Variants in SLC39A11 observed in about 807,000 individuals in gnomAD.
The protein encoded by SLC39A11 is zinc transporter ZIP11.
Under a neutral mutation model 36.1 loss-of-function variants are expected in SLC39A11, and 33 were observed. That is an observed-to-expected ratio of 0.91 (90% CI 0.69 to 1.22). SLC39A11 has a LOEUF of 1.22. SLC39A11 is among the 50% of genes most tolerant of loss of function. The pLI is 0.00. For synonymous variants in SLC39A11, 166 were observed against 170.3 expected, an observed-to-expected ratio of 0.97 and a Z score of 0.20; for missense variants, 432 against 430.3, an observed-to-expected ratio of 1.00 and a Z score of -0.03.
chr17:72,920,089 G>A (rs1005075094), intron 5 of SLC39A11, among the ~76,000 whole-genome samples: 29 of 152,106 alleles, frequency 1.9e-4, no homozygotes, highest in Non-Finnish European at 3.7e-4. Flanking sequence ...TTGTGCTTTC[G>A]CTAAACATTT....
chr17:72,828,046 C>T (rs945047611), intron 6 of SLC39A11, among the ~76,000 whole-genome samples: 1 of 152,198 alleles, frequency 6.6e-6, no homozygotes, highest in Admixed American at 6.5e-5. Context: ...GTGGTCCCAT[C>T]CACTCAGGTC....
intron 2 of SLC39A11, among the ~76,000 whole-genome samples, chr17:73,086,480 T>C (rs569385755): frequency 6.6e-6 from 1 of 152,318 alleles, no homozygotes; most frequent in Non-Finnish European, 1.5e-5. Context: ...TGGACATTCT[T>C]TGAAGTGAAA....
At chr17:72,660,263 A>G (rs967885743) in intron 7 of SLC39A11, among the ~76,000 whole-genome samples, 1 of 152,174 alleles carries the variant, frequency 6.6e-6, no homozygotes, top group Non-Finnish European at 1.5e-5. Flanking sequence ...TACCGCACCC[A>G]TCAGAGGCAG....
chr17:73,071,404 G>A (rs1180289791), intron 3 of SLC39A11, among the ~76,000 whole-genome samples: 1 of 152,178 alleles, frequency 6.6e-6, no homozygotes, highest in Admixed American at 6.5e-5. Flanking sequence ...ATTCTTCAAA[G>A]GCAAAAGTTG....
At chr17:72,701,740 A>AAAG (rs2072636492) in intron 7 of SLC39A11, among the ~76,000 whole-genome samples, 1 of 150,110 alleles carries the variant, frequency 6.7e-6, no homozygotes, top group African/African-American at 2.5e-5. Context: ...AAAAAAAAAA[A>AAAG]AAAAAAGAAA....
Position 73,088,639 on chromosome 17 carries a change from C to T in SLC39A11, c.108+18G>A. ...CGGGCTCCCCACCAACATCCAGAAC[C>T]AAAGCAAGGCAACTCACCTGTCCAC... On this transcript the variant is annotated intron_variant, in intron 2 of 9. Coordinates refer to ENST00000255559, the MANE Select transcript of SLC39A11 (RefSeq NM_139177.4). The T allele has an allele frequency of 6.2e-7, 1 of 1,602,364 alleles. No homozygotes were observed. Among genetic ancestry groups the T allele is most frequent in the Non-Finnish European group, 8.5e-7 (1 of 1,173,138 alleles).
At chr17:72,993,137 G>A (rs2089289234) in intron 4 of SLC39A11, among the ~76,000 whole-genome samples, 1 of 152,176 alleles carries the variant, frequency 6.6e-6, no homozygotes, top group Non-Finnish European at 1.5e-5. Flanking sequence ...GATGAGATTT[G>A]GGTGGGGGAC....
Position 72,896,922 on chromosome 17 carries a change from G to A in SLC39A11, c.431-47118C>T, listed in dbSNP as rs569494143. Among the ~76,000 whole-genome samples, 509 of 149,428 alleles carry A rather than the reference G, an allele frequency of 3.4e-3. 1 individual carries two copies. Among genetic ancestry groups the A allele is most frequent in the Non-Finnish European group, 6.4e-3 (428 of 67,026 alleles). On this transcript the variant is annotated intron_variant, in intron 5 of 9. Transcript: ENST00000255559. The stretch of plus-strand genomic sequence containing the variant: ...ACAAAAATTAGCTGGGCGTGGTGGC[G>A]GGCACCTATAATCCCAGCTACTCGG...
At chr17:72,884,164 A>G (rs910107207) in intron 5 of SLC39A11, among the ~76,000 whole-genome samples, 3 of 141,320 alleles carry the variant, frequency 2.1e-5, no homozygotes, top group African/African-American at 6.3e-5. Context: ...CAAAAAAAAG[A>G]AAGAAAGAAA....
chr17:73,007,841 G>A (rs1244315289), intron 4 of SLC39A11, among the ~76,000 whole-genome samples: 1 of 152,204 alleles, frequency 6.6e-6, no homozygotes, highest in East Asian at 1.9e-4. Context: ...AGTGGCTCAC[G>A]CCTATAATCC....
chr17:72,748,279 G>T (rs1021824886), intron 6 of SLC39A11, among the ~76,000 whole-genome samples: 2 of 149,570 alleles, frequency 1.3e-5, no homozygotes, highest in African/African-American at 4.9e-5. Context: ...CCGAGATCGC[G>T]CCATTGCCCT....
chr17:72,895,826 T>C (rs981198649), intron 5 of SLC39A11, among the ~76,000 whole-genome samples: 1 of 152,204 alleles, frequency 6.6e-6, no homozygotes, highest in Non-Finnish European at 1.5e-5. Flanking sequence ...AATAAACTCC[T>C]TCTCTGTGAA....
chr17:72,816,667 G>A (rs1056135086), intron 6 of SLC39A11, among the ~76,000 whole-genome samples: 4 of 152,166 alleles, frequency 2.6e-5, no homozygotes, highest in African/African-American at 9.7e-5. Context: ...AGGCTCATAT[G>A]AAACACAACA....
intron 4 of SLC39A11, among the ~76,000 whole-genome samples, chr17:72,953,491 G>C (rs1371510922): frequency 6.6e-6 from 1 of 152,140 alleles, no homozygotes; most frequent in Non-Finnish European, 1.5e-5. Flanking sequence ...AAAATCCTGG[G>C]GCTGTGCAGT....
At chr17:73,027,702 C>G (rs1422272185) in intron 4 of SLC39A11, among the ~76,000 whole-genome samples, 1 of 152,192 alleles carries the variant, frequency 6.6e-6, no homozygotes, top group African/African-American at 2.4e-5. Context: ...CATTCTCTTC[C>G]CACCAACCCA....
chr17:72,832,846 T>C (rs2078345698), intron 6 of SLC39A11, among the ~76,000 whole-genome samples: 2 of 152,224 alleles, frequency 1.3e-5, no homozygotes, highest in Non-Finnish European at 2.9e-5. Context: ...TTATAAGGTA[T>C]GCAACTGAAA....
rs17780256 is a variant in SLC39A11 at position 72,646,784 on chromosome 17, A to C, written c.*800T>G. ...TATAAACTTATCAAAATAAATGCCT[A>C]AGAAATTTGGAAAGCGCGACAAATG... On this transcript the variant is annotated 3_prime_UTR_variant, in exon 10 of 10. Coordinates refer to ENST00000255559, the MANE Select transcript of SLC39A11 (RefSeq NM_139177.4). 0.18 allele frequency: 26,910 copies of C among 152,510 alleles called. 2,481 individuals are homozygous for C. The highest frequency in any genetic ancestry group is 0.24 in the South Asian group (1,160 of 4,816). 9.4% of individuals were successfully genotyped at this position (152,510 alleles called of 1,614,324 possible). A position where few individuals can be genotyped will look rare whatever the true frequency, so the allele number is the denominator to read the frequency against.
intron 6 of SLC39A11, among the ~76,000 whole-genome samples, chr17:72,842,094 G>GTGTGTGTGTGTA: frequency 6.6e-6 from 1 of 151,710 alleles, no homozygotes; most frequent in East Asian, 1.9e-4. Context: ...GTGTGTGTGT[G>GTGTGTGTGTGTA]TGTGTGTGCA....
At chr17:72,740,056 C>CTTTTT (rs386386565) in intron 6 of SLC39A11, among the ~76,000 whole-genome samples, 4,221 of 81,228 alleles carry the variant, frequency 0.052, 446 homozygotes, top group Middle Eastern at 0.079. Context: ...CTTTCCTTTT[C>CTTTTT]TTTTTTTTTT....
Sources: gnomAD v4.1 joint callset for allele counts (sites outside exome capture counted in the v4.1 genomes callset) on GRCh38, gnomAD v4.1.1 for gene constraint, MANE v1.5 for transcripts, NCBI Gene and HGNC (gene_info 2026-07-23, HGNC 2026-07-21) for gene names.